ADCY10: variants seen among roughly 807,000 people sequenced by gnomAD.
ADCY10 encodes the protein adenylate cyclase 10, also known as adenylate cyclase type 10.
Under a neutral mutation model 183.3 loss-of-function variants are expected in ADCY10, and 156 were observed. The ratio of observed to expected loss-of-function variants is 0.85; its 90% confidence interval spans 0.75 to 0.97. ADCY10 has a LOEUF of 0.97. ADCY10 is among the 50% of genes least tolerant of loss of function. The pLI is 0.00. For missense variants in ADCY10, 1,745 were observed against 1,934.3 expected, an observed-to-expected ratio of 0.90 and a Z score of 1.84; for synonymous variants, 645 against 670.0, an observed-to-expected ratio of 0.96 and a Z score of 0.58.
At chr1:167,847,418 C>T (rs113151074) in intron 19 of ADCY10, among the ~76,000 whole-genome samples, 12,208 of 151,630 alleles carry the variant, frequency 0.081, 659 homozygotes, top group African/African-American at 0.15. Context: ...TTCTTTCTTT[C>T]TTTCTTTCTT....
intron 23 of ADCY10, chr1:167,834,636 G>A (rs1379465532): frequency 5.5e-6 from 1 of 181,048 alleles, no homozygotes; most frequent in Non-Finnish European, 1.2e-5. Flanking sequence ...GCACACCAAG[G>A]TAAGATCAGA....
At chr1:167,859,713 T>C in intron 16 of ADCY10, 94 bp downstream of exon 16, 1 of 912,640 alleles carries the variant, frequency 1.1e-6, no homozygotes, top group East Asian at 2.4e-5. Flanking sequence ...CAAAAGCCTC[T>C]TGCCAATGTG....
Position 167,908,484 on chromosome 1 carries a change from A to C in ADCY10, c.-58-3286T>G, listed in dbSNP as rs144884013. Among the ~76,000 whole-genome samples, 325 of 152,334 alleles carry C rather than the reference A, an allele frequency of 2.1e-3. 2 individuals carry two copies. Among genetic ancestry groups the C allele is most frequent in the African/African-American group, 7.3e-3 (304 of 41,584 alleles). On this transcript the variant is annotated intron_variant, in intron 1 of 32. Coordinates refer to ENST00000367851, the MANE Select transcript of ADCY10 (RefSeq NM_018417.6). ...TGAAAAAGTCCTGGAGATCTAACCT[A>C]GAGCAAGGTGAATACAGTTAATAAA...
At chr1:167,886,095 T>A (rs1668206512) in intron 8 of ADCY10, among the ~76,000 whole-genome samples, 1 of 151,956 alleles carries the variant, frequency 6.6e-6, no homozygotes, top group Non-Finnish European at 1.5e-5. Flanking sequence ...ATAGGAAAAA[T>A]CAATATCATG....
chr1:167,837,149 G>A, intron 22 of ADCY10, 100 bp downstream of exon 22: 1 of 1,098,474 alleles, frequency 9.1e-7, no homozygotes, highest in South Asian at 1.3e-5. Context: ...TTGCATCTAA[G>A]AGGTCAAAAG....
chr1:167,834,074 A>T lies in ADCY10; in HGVS notation c.3313T>A (p.Tyr1105Asn). ...YLIFCDNYMA[Y>N]MYLNEGQKLL... ...TTCTGTCCTTCATTCAAATACATGT[A>T]TGCCTGTAACCAGCCCAAGGAGTAG... Residue 1105 changes from tyrosine (Y) to asparagine (N), a missense_variant, in exon 24 of 33, where the codon TAC (tyrosine) becomes AAC (asparagine). By Grantham distance (143) the Tyr-to-Asn change is moderately radical. Coordinates refer to ENST00000367851, the MANE Select transcript of ADCY10 (RefSeq NM_018417.6). 6.2e-7 allele frequency: 1 copy of T among 1,612,532 alleles called. No individual in the cohort carries two copies. The highest frequency in any genetic ancestry group is 8.5e-7 in the Non-Finnish European group (1 of 1,178,622).
At chr1:167,852,281 A>G (rs1665554665) in intron 18 of ADCY10, among the ~76,000 whole-genome samples, 2 of 152,174 alleles carry the variant, frequency 1.3e-5, no homozygotes. Context: ...TGTCTCTACT[A>G]AAAATATGAA....
intron 26 of ADCY10, among the ~76,000 whole-genome samples, chr1:167,825,878 G>A (rs1663253640): frequency 6.6e-6 from 1 of 152,194 alleles, no homozygotes; most frequent in Admixed American, 6.5e-5. Context: ...TTGCTTCAGA[G>A]TATACATGCT....
intron 30 of ADCY10, chr1:167,820,812 G>C (rs1662861909): frequency 6.6e-6 from 1 of 152,208 alleles, no homozygotes; most frequent in East Asian, 1.9e-4. Flanking sequence ...GTATGTGCCT[G>C]CAACTCCAGC....
At chr1:167,888,893 A>AAAG (rs1553277573) in intron 8 of ADCY10, among the ~76,000 whole-genome samples, 2 of 151,406 alleles carry the variant, frequency 1.3e-5, no homozygotes, top group Non-Finnish European at 2.9e-5. Flanking sequence ...AAAAAAAAGA[A>AAAG]AAAGAAAGAA....
At chr1:167,874,981 T>C (rs1350498110) in intron 13 of ADCY10, 150 bp downstream of exon 13, 2 of 741,886 alleles carry the variant, frequency 2.7e-6, no homozygotes, top group Admixed American at 4.1e-5. Context: ...AATCCTGGTG[T>C]ATTGCTATTT....
chr1:167,880,734 T>C (rs1244661479), intron 9 of ADCY10, 125 bp from the exon 10 acceptor site: 2 of 742,294 alleles, frequency 2.7e-6, no homozygotes, highest in Non-Finnish European at 4.9e-6. Context: ...TCATGATTTC[T>C]CTCACAGTAT....
rs1662951698 is a variant in ADCY10, at chr1:167,822,145, A to G, written c.4169-4T>C. The G allele has an allele frequency of 6.5e-7, 1 of 1,530,572 alleles. No individual in the cohort carries two copies. The allele number at this position is 1,530,572 out of a possible 1,614,324, so 94.8% of individuals were successfully genotyped here. A position where few individuals can be genotyped will look rare whatever the true frequency, so the allele number is the denominator to read the frequency against. ...TCAAATGTTCTATAAACAAAACCTA[A>G]GAGAGAGAGGAATGGGTGAGAGTTA... On this transcript the variant is annotated splice_polypyrimidine_tract_variant and splice_region_variant and intron_variant, in intron 29 of 32. Coordinates refer to ENST00000367851, the MANE Select transcript of ADCY10 (RefSeq NM_018417.6).
At chr1:167,857,110 C>T (rs147408573) in intron 16 of ADCY10, among the ~76,000 whole-genome samples, 267 of 152,312 alleles carry the variant, frequency 1.8e-3, no homozygotes, top group Non-Finnish European at 3.0e-3. Flanking sequence ...AAACAAAATA[C>T]GGAGCCTACA....
At chr1:167,840,902 G>A (rs80136977) in intron 21 of ADCY10, among the ~76,000 whole-genome samples, 4,754 of 151,382 alleles carry the variant, frequency 0.031, 137 homozygotes, top group East Asian at 0.13. Context: ...GTCTCCCCAG[G>A]TTCAGGACAT....
At chr1:167,870,787 C>T (rs545177380) in intron 13 of ADCY10, among the ~76,000 whole-genome samples, 4 of 148,888 alleles carry the variant, frequency 2.7e-5, no homozygotes, top group South Asian at 2.1e-4. Flanking sequence ...CCAGCCTGGG[C>T]GACAAGCAAA....
chr1:167,870,407 C>T lies in ADCY10; in HGVS notation c.1466G>A (p.Arg489His), dbSNP rs140186304. The T allele has an allele frequency of 2.0e-5, 32 of 1,606,936 alleles. No homozygotes were observed. The highest frequency in any genetic ancestry group is 2.4e-5 in the Non-Finnish European group (28 of 1,174,308). ...CATGAAGTAGTTGATCTCTTTATTACGTCCTGTTATTTTTAGTTTTAAAAA... is the reference window on the plus strand; with the variant it reads ...CATGAAGTAGTTGATCTCTTTATTATGTCCTGTTATTTTTAGTTTTAAAAA... The part of the protein sequence containing the change: ...NRKEDYPLLG[R>H]NKEINYFMYT... Residue 489 changes from arginine (R) to histidine (H), a missense_variant, in exon 14 of 33, where the codon CGT becomes CAT. Coordinates refer to ENST00000367851, the MANE Select transcript of ADCY10 (RefSeq NM_018417.6).
At chr1:167,820,029 C>G in intron 30 of ADCY10, 1 of 1,574,612 alleles carries the variant, frequency 6.4e-7, no homozygotes, top group South Asian at 1.1e-5. Flanking sequence ...TTTCCTATGA[C>G]TCCCAGTTCT....
chr1:167,856,384 G>C lies in ADCY10; in HGVS notation c.1952C>G (p.Ser651Trp), dbSNP rs757907800. Reference protein sequence around the residue: ...FIIDEAQFVDSTSWRFMEKLI... With the variant: ...FIIDEAQFVDWTSWRFMEKLI... ...CTTCTCCATAAATCTCCAGGAGGTCGAATCCACAAACTGGGCCTCATCAAT... is the reference window on the plus strand; with the variant it reads ...CTTCTCCATAAATCTCCAGGAGGTCCAATCCACAAACTGGGCCTCATCAAT... Residue 651 changes from serine to tryptophan, a missense_variant, in exon 17 of 33, where the codon TCG (serine) becomes TGG (tryptophan). Transcript: ENST00000367851. The C allele has an allele frequency of 1.2e-6, 2 of 1,614,004 alleles. No homozygotes were observed. Among genetic ancestry groups the C allele is most frequent in the African/African-American group, 2.7e-5 (2 of 74,900 alleles).
Sources: allele counts gnomAD v4.1 joint callset (sites outside exome capture counted in the v4.1 genomes callset), GRCh38; gene constraint gnomAD v4.1.1; transcripts MANE v1.5; gene names NCBI Gene and HGNC (gene_info 2026-07-23, HGNC 2026-07-21).